The following CLEC3B variants were observed in gnomAD, a reference collection of about 807,000 sequenced individuals.
CLEC3B encodes the protein tetranectin.
A neutral mutation model predicts 15.4 loss-of-function variants in CLEC3B; 13 were observed. The ratio of observed to expected loss-of-function variants is 0.84; its 90% CI spans 0.55 to 1.34. The LOEUF (loss-of-function observed/expected upper bound fraction) is 1.34. CLEC3B is among the 40% of genes most tolerant of loss of function. CLEC3B has a pLI of 0.00. For synonymous variants in CLEC3B, 112 were observed against 114.7 expected (o/e 0.98, Z 0.15); for missense variants, 242 against 268.6 (o/e 0.90, Z 0.69).
At position 45,035,979 on chromosome 3, in the gene CLEC3B, C is replaced by T; in HGVS notation, c.*55C>T. The T allele has an allele frequency of 2.7e-6, 3 of 1,113,490 alleles. No individual in the cohort carries two copies. Among genetic ancestry groups the T allele is most frequent in the Non-Finnish European group, 3.8e-6 (3 of 787,804 alleles). 69.0% of individuals were successfully genotyped at this position (1,113,490 alleles called of 1,614,324 possible). On this transcript the variant is annotated 3_prime_UTR_variant, in exon 3 of 3. Transcript: ENST00000296130. ...GAGGAGGGCAGGGGCCGCGGGAGGC[C>T]GGGAGGAGGGTGGGGACCTTGCAGC...
At chr3:45,030,796 C>T (rs1230961198) in intron 1 of CLEC3B, 31 bp from the exon 2 acceptor site, 1 of 1,488,168 alleles carries the variant, frequency 6.7e-7, no homozygotes, top group Non-Finnish European at 9.2e-7. Flanking sequence ...TCAGTCCCTG[C>T]CCCACCCTGA....
chr3:45,031,391 T>G (rs1251741011), intron 2 of CLEC3B, among the ~76,000 whole-genome samples: 2 of 152,236 alleles, frequency 1.3e-5, no homozygotes, highest in African/African-American at 2.4e-5. Flanking sequence ...GTAACTCTGC[T>G]GAGGTGGGAT....
Position 45,035,640 on chromosome 3 carries a change from C to T in CLEC3B, c.325C>T (p.Gln109Ter). The T allele has an allele frequency of 6.2e-7, 1 of 1,613,880 alleles. No homozygotes were observed. The highest frequency in any genetic ancestry group is 8.5e-7 in the Non-Finnish European group (1 of 1,180,032). The change falls in exon 3 of 3, where the codon CAG becomes TAG. Residue 109 changes from glutamine (Q) to a stop codon, truncating the protein, a stop_gained. Transcript: ENST00000296130. LOFTEE classifies it high-confidence loss of function. ...ISRGGTLGTP[Q>*]TGSENDALYE... ...GCGCGGGGGCACCCTGGGCACCCCT[C>T]AGACTGGCTCGGAGAACGACGCCCT...
At position 45,026,428 on chromosome 3, in the gene CLEC3B, G is replaced by A; in HGVS notation, c.66G>A (p.Glu22=). The part of the protein sequence containing the change: ...LFSLLTQVTT[E]PPTQKPKKIV... ...CCCTCCTGACCCAGGTCACCACCGAGCCACCAACCCAGAAGCCCAAGAAGA... is the reference window on the plus strand; with the variant it reads ...CCCTCCTGACCCAGGTCACCACCGAACCACCAACCCAGAAGCCCAAGAAGA... The change falls in exon 1 of 3, where the codon GAG becomes GAA. Residue 22 remains glutamate, a synonymous_variant. Coordinates refer to ENST00000296130, the MANE Select transcript of CLEC3B (RefSeq NM_003278.3). 1 of 1,614,160 alleles carries A rather than the reference G, an allele frequency of 6.2e-7. No homozygotes were observed. Among genetic ancestry groups the A allele is most frequent in the Non-Finnish European group, 8.5e-7 (1 of 1,180,020 alleles).
chr3:45,029,950 G>C (rs929275487), intron 1 of CLEC3B, among the ~76,000 whole-genome samples: 12 of 152,214 alleles, frequency 7.9e-5, no homozygotes, highest in Admixed American at 7.9e-4. Flanking sequence ...GAAGAGCATG[G>C]CTTCAGAGCC....
At chr3:45,031,010 G>A (rs776103689) in intron 2 of CLEC3B, 85 bp downstream of exon 2, 34 of 939,362 alleles carry the variant, frequency 3.6e-5, no homozygotes, top group Middle Eastern at 3.2e-4. Flanking sequence ...TCTCGCCTCC[G>A]TTCAGCATCA....
intron 1 of CLEC3B, among the ~76,000 whole-genome samples, chr3:45,028,852 C>G (rs1331893326): frequency 1.3e-5 from 2 of 152,172 alleles, no homozygotes; most frequent in African/African-American, 4.8e-5. Context: ...GAAGGGAATG[C>G]CAGCATATGC....
At chr3:45,032,891 G>T (rs906291939) in intron 2 of CLEC3B, among the ~76,000 whole-genome samples, 2 of 152,220 alleles carry the variant, frequency 1.3e-5, no homozygotes, top group South Asian at 4.1e-4. Flanking sequence ...TGCATTCAAG[G>T]CAAGAAGGAG....
intron 1 of CLEC3B, chr3:45,030,336 G>A (rs1697536941): frequency 4.7e-6 from 3 of 631,776 alleles, no homozygotes; most frequent in African/African-American, 2.0e-5. Flanking sequence ...CAAATCCAGA[G>A]AGGCTGAGCA....
At chr3:45,030,774 G>C in intron 1 of CLEC3B, 53 bp from the exon 2 acceptor site, 1 of 1,270,126 alleles carries the variant, frequency 7.9e-7, no homozygotes, top group Non-Finnish European at 1.1e-6. Flanking sequence ...GCTAAGGTAG[G>C]ATCCTTCCTG....
Position 45,035,970 on chromosome 3 carries a change from G to T in CLEC3B, c.*46G>T, listed in dbSNP as rs1252624850. The stretch of plus-strand genomic sequence containing the variant: ...GGGGGCCTGGAGGAGGGCAGGGGCC[G>T]CGGGAGGCCGGGAGGAGGGTGGGGA... On this transcript the variant is annotated 3_prime_UTR_variant, in exon 3 of 3. Transcript: ENST00000296130. 2 of 1,498,694 alleles carry T rather than the reference G, an allele frequency of 1.3e-6. No individual in the cohort carries two copies. Among genetic ancestry groups the T allele is most frequent in the Non-Finnish European group, 1.8e-6 (2 of 1,123,410 alleles). The allele number at this position is 1,498,694 out of a possible 1,614,324, so 92.8% of individuals were successfully genotyped here. A position where few individuals can be genotyped will look rare whatever the true frequency, so the allele number is the denominator to read the frequency against.
At chr3:45,033,993 C>T (rs1465678323) in intron 2 of CLEC3B, among the ~76,000 whole-genome samples, 4 of 152,252 alleles carry the variant, frequency 2.6e-5, no homozygotes, top group South Asian at 4.1e-4. Flanking sequence ...GCCCTGATGA[C>T]GGGATGACCC....
rs1254872158 is a variant in CLEC3B, at chr3:45,030,920, A to C, written c.203A>C (p.Gln68Pro). Residue 68 changes from glutamine (Q) to proline (P), a missense_variant, in exon 2 of 3, where the codon CAG (glutamine) becomes CCG (proline). By Grantham distance (76) the Gln-to-Pro change is moderately conservative (BLOSUM62 -1). Coordinates refer to ENST00000296130, the MANE Select transcript of CLEC3B (RefSeq NM_003278.3). Reference sequence around the variant, plus strand: ...CTGCTGAAGGAGCAGCAGGCCCTGCAGACGGGTGAGTGCAGGCAGTAGCCT... The same window carrying C: ...CTGCTGAAGGAGCAGCAGGCCCTGCCGACGGGTGAGTGCAGGCAGTAGCCT... ...VALLKEQQAL[Q>P]TVCLKGTKVH... The C allele has an allele frequency of 6.4e-7, 1 of 1,569,992 alleles. No individual in the cohort carries two copies. The highest frequency in any genetic ancestry group is 8.6e-7 in the Non-Finnish European group (1 of 1,157,410).
chr3:45,031,023 G>C, intron 2 of CLEC3B, 98 bp downstream of exon 2: 2 of 829,890 alleles, frequency 2.4e-6, no homozygotes, highest in Non-Finnish European at 3.8e-6. Flanking sequence ...CAGCATCAGG[G>C]TCCTGGCTCC....
chr3:45,027,081 G>C (rs1219132716), intron 1 of CLEC3B, among the ~76,000 whole-genome samples: 1 of 152,242 alleles, frequency 6.6e-6, no homozygotes, highest in African/African-American at 2.4e-5. Flanking sequence ...TCCCTCGGTT[G>C]CTTTGGCTAC....
intron 2 of CLEC3B, among the ~76,000 whole-genome samples, chr3:45,032,382 G>A (rs1411456348): frequency 1.3e-5 from 2 of 152,116 alleles, no homozygotes; most frequent in African/African-American, 4.8e-5. Context: ...CCTAATAAAT[G>A]CCTCCAGCAT....
At chr3:45,028,235 C>A (rs1697510446) in intron 1 of CLEC3B, among the ~76,000 whole-genome samples, 1 of 152,224 alleles carries the variant, frequency 6.6e-6, no homozygotes, top group South Asian at 2.1e-4. Context: ...ACTCAGGCAT[C>A]AACATCATCT....
intron 1 of CLEC3B, among the ~76,000 whole-genome samples, chr3:45,029,701 C>T (rs1697528673): frequency 6.6e-6 from 1 of 152,166 alleles, no homozygotes; most frequent in African/African-American, 2.4e-5. Flanking sequence ...AAAGTGTTTC[C>T]CCACCCACTT....
intron 2 of CLEC3B, among the ~76,000 whole-genome samples, chr3:45,035,279 C>T (rs950484135): frequency 6.6e-6 from 1 of 152,192 alleles, no homozygotes; most frequent in African/African-American, 2.4e-5. Context: ...GCTGCCTTTT[C>T]TCCCAGCCGC....
Sources: gnomAD v4.1 joint callset for allele counts (sites outside exome capture counted in the v4.1 genomes callset) on GRCh38, gnomAD v4.1.1 for gene constraint, MANE v1.5 for transcripts, NCBI Gene and HGNC (gene_info 2026-07-23, HGNC 2026-07-21) for gene names.